LRCH3: variants seen among roughly 807,000 people sequenced by gnomAD.
LRCH3 encodes DISP complex protein LRCH3.
A neutral mutation model predicts 104.5 loss-of-function variants in LRCH3; 68 were observed. The ratio of observed to expected loss-of-function variants is 0.65; its 90% CI spans 0.54 to 0.80. The LOEUF is 0.80. Ranked by LOEUF, LRCH3 falls within the 30% of genes least tolerant of loss-of-function variation. The pLI is 0.00. For missense variants in LRCH3, 951 were observed against 953.9 expected, an observed-to-expected ratio of 1.00 and a Z score of 0.04; for synonymous variants, 344 against 361.3, an observed-to-expected ratio of 0.95 and a Z score of 0.54.
Position 197,835,729 on chromosome 3 carries a change from G to C in LRCH3, c.1158G>C (p.Glu386Asp). 5.0e-6 allele frequency: 8 copies of C among 1,613,996 alleles called. No individual in the cohort carries two copies. Among genetic ancestry groups the C allele is most frequent in the Non-Finnish European group, 5.9e-6 (7 of 1,180,006 alleles). The change falls in exon 9 of 21, where the codon GAG becomes GAC. Residue 386 changes from glutamate (E) to aspartate (D), a missense_variant. Physicochemically the swap from Glu to Asp is conservative, Grantham distance 45. Transcript: ENST00000425562. ...TAGACAGCTGCACCGCAGAGGAAGA[G>C]GAGGCCGAGGTGAGACAGCCCAAGG... Reference protein sequence around the residue: ...DYIDSCTAEEEEAEVRQPKGP... With the variant: ...DYIDSCTAEEDEAEVRQPKGP...
At chr3:197,847,768 G>A (rs1438620317) in intron 11 of LRCH3, 104 bp from the exon 12 acceptor site, 1 of 956,034 alleles carries the variant, frequency 1.0e-6, no homozygotes, top group Non-Finnish European at 1.4e-6. Context: ...TGACTTCAAA[G>A]CAAAAGTTGC....
At chr3:197,805,949 G>A (rs558293450) in intron 1 of LRCH3, among the ~76,000 whole-genome samples, 5 of 151,728 alleles carry the variant, frequency 3.3e-5, no homozygotes, top group East Asian at 1.9e-4. Context: ...TTTTTGAGAC[G>A]GAATTTCACT....
Position 197,835,738 on chromosome 3 carries a change from G to C in LRCH3, c.1167G>C (p.Glu389Asp), listed in dbSNP as rs1424848140. The C allele has an allele frequency of 1.2e-6, 2 of 1,613,914 alleles. No homozygotes were observed. Among genetic ancestry groups the C allele is most frequent in the Admixed American group, 1.7e-5 (1 of 59,972 alleles). Residue 389 changes from glutamate to aspartate, a missense_variant, in exon 9 of 21, where the codon GAG becomes GAC. Glu to Asp is a conservative substitution (Grantham distance 45). Coordinates refer to ENST00000425562, the MANE Select transcript of LRCH3 (RefSeq NM_001365715.1). ...DSCTAEEEEA[E>D]VRQPKGPDPD... is the part of the protein sequence containing the mutation. ...GCACCGCAGAGGAAGAGGAGGCCGA[G>C]GTGAGACAGCCCAAGGGACCAGACC...
chr3:197,813,281 G>T (rs1024186669), intron 1 of LRCH3, among the ~76,000 whole-genome samples: 7 of 149,892 alleles, frequency 4.7e-5, no homozygotes, highest in Non-Finnish European at 1.0e-4. Context: ...ATAAATGATC[G>T]TTGACTGTAG....
intron 4 of LRCH3, among the ~76,000 whole-genome samples, chr3:197,821,437 A>G (rs1376384657): frequency 1.3e-5 from 2 of 152,188 alleles, no homozygotes; most frequent in Non-Finnish European, 2.9e-5. Context: ...TCCAGAATAT[A>G]TATTTCTTCC....
At chr3:197,829,956 C>T (rs1363383005) in intron 6 of LRCH3, among the ~76,000 whole-genome samples, 2 of 152,156 alleles carry the variant, frequency 1.3e-5, no homozygotes, top group African/African-American at 4.8e-5. Context: ...TTGGTGTCTG[C>T]CCATTAGATA....
At position 197,826,763 on chromosome 3, in the gene LRCH3, A is replaced by G. The variant is rs1735251469; in HGVS notation, c.641-115A>G. 4.9e-5 allele frequency: 64 copies of G among 1,315,768 alleles called. 1 individual carries two copies. In the South Asian group the frequency reaches 8.2e-4, roughly 17 times the overall value. The allele number at this position is 1,315,768 out of a possible 1,614,324, so 81.5% of individuals were successfully genotyped here. ...ACCACTTTGCTACCAGTTAATCACT[A>G]AAAGAGAATGGGAGTAAATATCTAT... On this transcript the variant is annotated intron_variant, in intron 4 of 20. Coordinates refer to ENST00000425562, the MANE Select transcript of LRCH3 (RefSeq NM_001365715.1).
chr3:197,882,239 G>A (rs2109582718), intron 20 of LRCH3: 1 of 985,400 alleles, frequency 1.0e-6, no homozygotes, highest in Admixed American at 6.1e-5. Flanking sequence ...GAAGAGACCA[G>A]GGAATCAGCC....
chr3:197,809,397 C>CTCAGCT (rs372746874), intron 1 of LRCH3, among the ~76,000 whole-genome samples: 158 of 152,166 alleles, frequency 1.0e-3, no homozygotes, highest in African/African-American at 3.7e-3. Flanking sequence ...TTGGGGTTTG[C>CTCAGCT]TCAGCTTCTT....
chr3:197,854,256 G>A lies in LRCH3; in HGVS notation c.1591-136G>A. 1.3e-6 allele frequency: 1 copy of A among 752,370 alleles called. No individual in the cohort carries two copies. The highest frequency in any genetic ancestry group is 2.5e-5 in the East Asian group (1 of 39,624). 46.6% of individuals were successfully genotyped at this position (752,370 alleles called of 1,614,324 possible). A position where few individuals can be genotyped will look rare whatever the true frequency, so the allele number is the denominator to read the frequency against. ...TAATGCATGAATTCCAGATGATTGT[G>A]AATGTGGTCCTCTATGTCAACGTCT... is the stretch of plus-strand genomic sequence containing the variant. On this transcript the variant is annotated intron_variant, in intron 13 of 20. Coordinates refer to ENST00000425562, the MANE Select transcript of LRCH3 (RefSeq NM_001365715.1). This position sits in a 1 kb window ranked among gnomAD's most constrained non-coding sequence, Gnocchi z 4.5.
At chr3:197,791,683 G>GGCGCCAGCCCTCCGGGCCT (rs1730531593) in intron 1 of LRCH3, 143 bp downstream of exon 1, 2 of 972,678 alleles carry the variant, frequency 2.1e-6, no homozygotes, top group Non-Finnish European at 1.4e-6. Context: ...AGAAGCCGAC[G>GGCGCCAGCCCTCCGGGCCT]GCGCCAGCCC....
chr3:197,808,065 C>T (rs1332149449), intron 1 of LRCH3, among the ~76,000 whole-genome samples: 1 of 152,174 alleles, frequency 6.6e-6, no homozygotes, highest in Non-Finnish European at 1.5e-5. Flanking sequence ...CAAATTCATA[C>T]ATTGAAGTCC....
At chr3:197,803,378 C>T (rs1282003705) in intron 1 of LRCH3, among the ~76,000 whole-genome samples, 1 of 152,110 alleles carries the variant, frequency 6.6e-6, no homozygotes, top group African/African-American at 2.4e-5. Flanking sequence ...AAATACGCAT[C>T]CCTGGGTGAG....
At chr3:197,803,450 C>T (rs76914844) in intron 1 of LRCH3, among the ~76,000 whole-genome samples, 5,974 of 152,204 alleles carry the variant, frequency 0.039, 213 homozygotes, top group African/African-American at 0.088. Context: ...TTAACAAGCA[C>T]CCTGATGGTA....
intron 10 of LRCH3, among the ~76,000 whole-genome samples, chr3:197,839,608 A>G (rs76986103): frequency 0.018 from 2,699 of 152,316 alleles, 74 homozygotes; most frequent in African/African-American, 0.061. Flanking sequence ...TTACCTACAC[A>G]GTTAATCGAT....
At chr3:197,871,761 A>C (rs1209352799) in intron 19 of LRCH3, among the ~76,000 whole-genome samples, 1 of 152,234 alleles carries the variant, frequency 6.6e-6, no homozygotes, top group East Asian at 1.9e-4. Context: ...AATTTGAACT[A>C]ATTCTTGAAG....
intron 15 of LRCH3, among the ~76,000 whole-genome samples, chr3:197,861,878 G>A (rs1273000518): frequency 6.6e-6 from 1 of 152,072 alleles, no homozygotes; most frequent in African/African-American, 2.4e-5. Flanking sequence ...TAGAATGCAA[G>A]TCACTTAGAT....
rs1580940417 is a variant in LRCH3, at chr3:197,885,721, A to G, written c.*2055A>G. 1 of 152,262 alleles carries G rather than the reference A, an allele frequency of 6.6e-6. No homozygotes were observed. Among genetic ancestry groups the G allele is most frequent in the South Asian group, 2.1e-4 (1 of 4,828 alleles). The allele number at this position is 152,262 out of a possible 1,614,324, so 9.4% of individuals were successfully genotyped here. A position where few individuals can be genotyped will look rare whatever the true frequency, so the allele number is the denominator to read the frequency against. On this transcript the variant is annotated 3_prime_UTR_variant, in exon 21 of 21. Coordinates refer to ENST00000425562, the MANE Select transcript of LRCH3 (RefSeq NM_001365715.1). ...CACACCGCACAGGAGCCTTTACTCA[A>G]GTTTCAGCTAGTTTTCCTTCCCCTG... is the stretch of plus-strand genomic sequence containing the variant.
intron 4 of LRCH3, among the ~76,000 whole-genome samples, chr3:197,821,360 C>T (rs1301214135): frequency 6.6e-6 from 1 of 151,950 alleles, no homozygotes; most frequent in East Asian, 1.9e-4. Flanking sequence ...GTTTATCAAT[C>T]TTTCACAAAT....
Sources: gnomAD v4.1 joint callset for allele counts (sites outside exome capture counted in the v4.1 genomes callset) on GRCh38, gnomAD v4.1.1 for gene constraint, Gnocchi (gnomAD v3.1) non-coding constraint, MANE v1.5 for transcripts, NCBI Gene and HGNC (gene_info 2026-07-23, HGNC 2026-07-21) for gene names.